TCOF1: variants seen among roughly 807,000 people sequenced by gnomAD.
The protein encoded by TCOF1 is treacle ribosome biogenesis factor 1, also known as treacle protein.
In TCOF1, 33 loss-of-function variants were observed where a neutral mutation model predicts 149.0. The ratio of observed to expected loss-of-function variants is 0.22; its 90% CI spans 0.17 to 0.30. TCOF1 has a LOEUF of 0.30. Among genes scored for constraint, TCOF1 ranks in the 10% least tolerant of loss-of-function variants. TCOF1 has a pLI of 1.00. For missense variants in TCOF1, 1,728 were observed against 1,840.7 expected (o/e 0.94, Z 1.12); for synonymous variants, 789 against 738.8 (o/e 1.07, Z -1.10).
intron 17 of TCOF1, chr5:150,384,460 T>C (rs764159819): frequency 6.4e-5 from 63 of 985,346 alleles, no homozygotes; most frequent in Non-Finnish European, 7.3e-5. Context: ...CGTTGCCTGG[T>C]GCTGCCCCGA....
Position 150,369,425 on chromosome 5 carries a change from C to G in TCOF1, c.566-104C>G, listed in dbSNP as rs532175251. On this transcript the variant is annotated intron_variant, in intron 5 of 26. Coordinates refer to ENST00000643257, the MANE Select transcript of TCOF1 (RefSeq NM_001371623.1). The stretch of plus-strand genomic sequence containing the variant: ...GTGAGGCACACGAGGGGTGAGCGCT[C>G]AGCACCTGGCTTTGATGAGCAGCTG... 2.3e-5 allele frequency: 31 copies of G among 1,375,770 alleles called. No homozygotes were observed. The African/African-American group carries it at 4.1e-4, about 18-fold the overall frequency. The allele number at this position is 1,375,770 out of a possible 1,614,324, so 85.2% of individuals were successfully genotyped here.
intron 7 of TCOF1, 98 bp from the exon 8 acceptor site, chr5:150,374,076 T>C (rs1184900238): frequency 7.5e-7 from 1 of 1,332,186 alleles, no homozygotes; most frequent in East Asian, 2.5e-5. Flanking sequence ...GCAGGGGAGG[T>C]CTTAGGAGCC....
intron 18 of TCOF1, among the ~76,000 whole-genome samples, chr5:150,389,334 C>T (rs566520503): frequency 2.6e-5 from 4 of 152,124 alleles, no homozygotes; most frequent in Admixed American, 6.5e-5. Flanking sequence ...TTTATGACAT[C>T]GGGTTTTTTT....
Position 150,364,152 on chromosome 5 carries a change from T to A in TCOF1, c.204T>A (p.Asp68Glu). Residue 68 changes from aspartate to glutamate, a missense_variant, in exon 3 of 27, where the codon GAT (aspartate) becomes GAA (glutamate). Physicochemically the swap from Asp to Glu is conservative, Grantham distance 45. Around this residue, in one of 2 missense-constraint regions of TCOF1, gnomAD observed 1,696 missense variants for 1,765.4 expected, o/e 0.96. Transcript: ENST00000643257. ...GTCGGAAGCGGAAGGCAGAGGAAGA[T>A]GCGGCACTGCAAGCTAAGAAAACCC... ...ELGRKRKAEE[D>E]AALQAKKTRV... 1 of 1,614,062 alleles carries A rather than the reference T, an allele frequency of 6.2e-7. No individual in the cohort carries two copies.
chr5:150,394,940 A>AC (rs1321738685), intron 23 of TCOF1: 4 of 141,672 alleles, frequency 2.8e-5, no homozygotes, highest in Non-Finnish European at 6.1e-5. Flanking sequence ...AAAAAAAAAA[A>AC]GGCAGCAGCA....
chr5:150,383,882 C>A, intron 17 of TCOF1: 1 of 1,541,670 alleles, frequency 6.5e-7, no homozygotes, highest in Non-Finnish European at 8.7e-7. Context: ...ACCAGGCCCA[C>A]CTTATCTTCC....
chr5:150,357,983 G>T (rs1277915788), intron 1 of TCOF1, 129 bp downstream of exon 1: 11 of 870,998 alleles, frequency 1.3e-5, no homozygotes, highest in Middle Eastern at 3.5e-4. Context: ...TCGACGGCGC[G>T]GCCAGGGGTA....
In TCOF1 at chr5:150,400,258, ACT is replaced by A. The variant is rs1262858011; in HGVS notation, c.*473_*474del. ...TGTGTTTTTTGTTTTTTTTTTAATA[ACT>A]CAAAAAAAAAATAAAAGACTTGGAG... On this transcript the variant is annotated 3_prime_UTR_variant, in exon 27 of 27. Coordinates refer to ENST00000643257, the MANE Select transcript of TCOF1 (RefSeq NM_001371623.1). 6.7e-6 allele frequency: 1 copy of A among 149,328 alleles called. No homozygotes were observed. The highest frequency in any genetic ancestry group is 2.5e-5 in the African/African-American group (1 of 40,596). The allele number at this position is 149,328 out of a possible 1,614,324, so 9.3% of individuals were successfully genotyped here.
At chr5:150,367,794 A>G in intron 3 of TCOF1, 50 bp from the exon 4 acceptor site, 1 of 1,604,878 alleles carries the variant, frequency 6.2e-7, no homozygotes, top group Non-Finnish European at 8.5e-7. Flanking sequence ...TGCCATTCAT[A>G]GATGAGAAAA....
intron 17 of TCOF1, among the ~76,000 whole-genome samples, chr5:150,385,711 C>T (rs1766140338): frequency 6.6e-6 from 1 of 152,154 alleles, no homozygotes; most frequent in Non-Finnish European, 1.5e-5. Context: ...ATGGGGTGAG[C>T]ACTGTCCAGA....
chr5:150,373,665 A>G (rs1295764390), intron 7 of TCOF1, among the ~76,000 whole-genome samples: 1 of 152,172 alleles, frequency 6.6e-6, no homozygotes, highest in East Asian at 1.9e-4. Context: ...GCTGCTGTCC[A>G]TGTGCAGAAA....
At chr5:150,376,947 C>T (rs1763948276) in intron 14 of TCOF1, among the ~76,000 whole-genome samples, 1 of 152,206 alleles carries the variant, frequency 6.6e-6, no homozygotes, top group Non-Finnish European at 1.5e-5. Context: ...CTCTGTGGAG[C>T]ATGGACATGC....
intron 3 of TCOF1, 22 bp downstream of exon 3, chr5:150,364,274 G>T: frequency 6.2e-7 from 1 of 1,613,944 alleles, no homozygotes; most frequent in Non-Finnish European, 8.5e-7. Context: ...GCAGCTTTGG[G>T]AACAGGCTAT....
chr5:150,389,840 G>A (rs768904901), intron 18 of TCOF1, 47 bp from the exon 19 acceptor site: 10 of 1,613,972 alleles, frequency 6.2e-6, no homozygotes, highest in South Asian at 5.5e-5. Flanking sequence ...CTGAGGAGGC[G>A]ATGGGGCTTT....
At position 150,361,257 on chromosome 5, in the gene TCOF1, GC is replaced by G. The variant is rs764099502; in HGVS notation, c.164+47del. 1.9e-6 allele frequency: 3 copies of G among 1,607,374 alleles called. No homozygotes were observed. In the East Asian group the frequency reaches 6.7e-5, roughly 36 times the overall value. On this transcript the variant is annotated intron_variant, in intron 2 of 26. Coordinates refer to ENST00000643257, the MANE Select transcript of TCOF1 (RefSeq NM_001371623.1). ...GGTGGAGTAGGGACGGACACCCCAA[GC>G]AACTCAGCTTGGAATAAGCTGGGAT...
intron 7 of TCOF1, 53 bp from the exon 8 acceptor site, chr5:150,374,121 C>A: frequency 1.3e-6 from 2 of 1,564,618 alleles, no homozygotes; most frequent in South Asian, 1.2e-5. Flanking sequence ...CTAAAGGCAT[C>A]ACCAGAGAGT....
intron 19 of TCOF1, 98 bp from the exon 20 acceptor site, chr5:150,391,446 C>G (rs1278021145): frequency 2.7e-6 from 3 of 1,091,080 alleles, no homozygotes; most frequent in Non-Finnish European, 4.3e-6. Context: ...AGTCCCTGCT[C>G]CAGCCCTCAC....
chr5:150,378,836 CTG>C, intron 14 of TCOF1, 67 bp from the exon 15 acceptor site: 1 of 1,610,368 alleles, frequency 6.2e-7, no homozygotes, highest in Non-Finnish European at 8.5e-7. Flanking sequence ...GCTCCAGAGT[CTG>C]TATTCTTGGC....
intron 17 of TCOF1, chr5:150,384,090 C>A: frequency 8.0e-7 from 1 of 1,255,736 alleles, no homozygotes; most frequent in Non-Finnish European, 1.0e-6. Flanking sequence ...ACCTCCAGAC[C>A]AGAGCGGTCT....
Sources: allele counts gnomAD v4.1 joint callset (sites outside exome capture counted in the v4.1 genomes callset), GRCh38; gene constraint gnomAD v4.1.1; regional missense constraint gnomAD v4.1.1; transcripts MANE v1.5; gene names NCBI Gene and HGNC (gene_info 2026-07-23, HGNC 2026-07-21).